Variants in FRMD4B observed in about 807,000 individuals in gnomAD.
FRMD4B encodes FERM domain containing 4B.
FRMD4B carries 74 observed loss-of-function variants against 141.5 expected under a neutral mutation model. The observed-to-expected ratio is 0.52, with a 90% CI of 0.43 to 0.63. FRMD4B has a LOEUF of 0.63. Ranked by LOEUF, FRMD4B falls within the 30% of genes least tolerant of loss-of-function variation. The pLI is 0.00. For missense variants in FRMD4B, 1,366 were observed against 1,253.4 expected (o/e 1.09, Z -1.36); for synonymous variants, 506 against 467.9 (o/e 1.08, Z -1.05).
intron 7 of FRMD4B, among the ~76,000 whole-genome samples, chr3:69,245,347 GTGTGTGTT>G (rs1318234390): frequency 4.0e-5 from 6 of 150,786 alleles, no homozygotes; most frequent in African/African-American, 1.5e-4. Flanking sequence ...GTGTGTGTGT[GTGTGTGTT>G]TTTAGACAGA....
At chr3:69,443,147 C>T (rs562606897) in intron 1 of FRMD4B, among the ~76,000 whole-genome samples, 2 of 152,174 alleles carry the variant, frequency 1.3e-5, no homozygotes, top group Non-Finnish European at 1.5e-5. Flanking sequence ...TTCAGTCCCA[C>T]CCCCTGACCC....
At chr3:69,221,980 C>T in intron 8 of FRMD4B, 57 bp from the exon 9 acceptor site, 1 of 883,036 alleles carries the variant, frequency 1.1e-6, no homozygotes, top group Non-Finnish European at 1.9e-6. Flanking sequence ...GGTACAGGCA[C>T]AGTTTCCACA....
chr3:69,388,566 AC>A (rs1704317534), upstream of FRMD4B, among the ~76,000 whole-genome samples: 1 of 152,038 alleles, frequency 6.6e-6, no homozygotes, highest in Non-Finnish European at 1.5e-5. Context: ...TCTAAAAGAG[AC>A]CCACCCAACT....
chr3:69,215,669 CAG>C (rs947855264), intron 11 of FRMD4B, among the ~76,000 whole-genome samples: 17 of 152,120 alleles, frequency 1.1e-4, no homozygotes, highest in African/African-American at 2.9e-4. Context: ...AATGGTGAAA[CAG>C]AGATAATAGC....
intron 22 of FRMD4B, among the ~76,000 whole-genome samples, chr3:69,173,891 C>G (rs1320131073): frequency 6.6e-6 from 1 of 152,204 alleles, no homozygotes; most frequent in Admixed American, 6.5e-5. Flanking sequence ...GTAATCCCAG[C>G]ACTTTGGGAG....
intron 1 of FRMD4B, among the ~76,000 whole-genome samples, chr3:69,470,165 A>T (rs1313576954): frequency 6.6e-6 from 1 of 152,242 alleles, no homozygotes; most frequent in East Asian, 1.9e-4. Flanking sequence ...GTGCAGCCAA[A>T]GAGGTTTCTT....
At chr3:69,454,593 G>A (rs1022768202) in intron 1 of FRMD4B, among the ~76,000 whole-genome samples, 6 of 152,214 alleles carry the variant, frequency 3.9e-5, no homozygotes, top group South Asian at 2.1e-4. Flanking sequence ...CAGCAGCTGC[G>A]GAGGGTGTGC....
At chr3:69,367,251 T>C (rs1266151969) in intron 1 of FRMD4B, among the ~76,000 whole-genome samples, 1 of 152,196 alleles carries the variant, frequency 6.6e-6, no homozygotes, top group Non-Finnish European at 1.5e-5. Context: ...ATTATAGATA[T>C]TCTTGCTATA....
chr3:69,430,385 G>C (rs955848934), intron 2 of FRMD4B, among the ~76,000 whole-genome samples: 2 of 152,130 alleles, frequency 1.3e-5, no homozygotes, highest in Non-Finnish European at 2.9e-5. Flanking sequence ...CTGAGAGGCT[G>C]TTAATAGTTT....
At chr3:69,279,998 TA>T (rs976551252) in intron 5 of FRMD4B, among the ~76,000 whole-genome samples, 2 of 151,774 alleles carry the variant, frequency 1.3e-5, no homozygotes, top group Non-Finnish European at 2.9e-5. Flanking sequence ...ATTGCTGATT[TA>T]AAAAAAAGGG....
In FRMD4B at chr3:69,440,812, A is replaced by C. The variant is rs897442016; in HGVS notation, c.-128-8051T>G. The stretch of plus-strand genomic sequence containing the variant: ...AACAGAGCAAGAGACTCTGTCAAAA[A>C]AAAAAATTCTTGAATACTTACATTT... On this transcript the variant is annotated intron_variant, in intron 1 of 5. Transcript: ENST00000459638. 1.8e-4 allele frequency among the ~76,000 whole-genome samples: 27 copies of C among 152,286 alleles called. 1 individual carries two copies. The South Asian group carries it at 3.3e-3, about 19-fold the overall frequency.
chr3:69,216,827 G>A (rs527471913), intron 10 of FRMD4B, among the ~76,000 whole-genome samples: 2 of 152,230 alleles, frequency 1.3e-5, no homozygotes, highest in South Asian at 2.1e-4. Flanking sequence ...CCTACTTGGA[G>A]TTTCTTCAAA....
chr3:69,249,929 C>A, intron 6 of FRMD4B, 114 bp downstream of exon 6: 1 of 731,708 alleles, frequency 1.4e-6, no homozygotes, highest in South Asian at 1.6e-5. Context: ...AAACAACTAA[C>A]TGGCTTAAAA....
chr3:69,227,328 T>C (rs1304407778), intron 7 of FRMD4B, among the ~76,000 whole-genome samples: 4 of 152,124 alleles, frequency 2.6e-5, no homozygotes, highest in African/African-American at 9.7e-5. Flanking sequence ...AATAGGGAAG[T>C]GGATTAGGAT....
At chr3:69,249,360 G>C in intron 6 of FRMD4B, 112 bp from the exon 7 acceptor site, 1 of 698,948 alleles carries the variant, frequency 1.4e-6, no homozygotes, top group Non-Finnish European at 2.5e-6. Flanking sequence ...GTTTTGAAGA[G>C]TGTTTCTCAG....
At chr3:69,307,269 G>A (rs573610794) in intron 3 of FRMD4B, among the ~76,000 whole-genome samples, 41 of 152,238 alleles carry the variant, frequency 2.7e-4, no homozygotes, top group Non-Finnish European at 5.0e-4. Context: ...TTCTCCCAGC[G>A]TAGTTTTGAG....
In FRMD4B at chr3:69,189,973, C is replaced by T. The variant is rs2092818848; in HGVS notation, c.1715-21G>A. ...GTCTTCTGTGAATAAAAATAACTGC[C>T]TTTAGTACAATTGTGCATTTATACA... On this transcript the variant is annotated intron_variant, in intron 17 of 22. Coordinates refer to ENST00000398540, the MANE Select transcript of FRMD4B (RefSeq NM_015123.3). 3 of 1,469,226 alleles carry T rather than the reference C, an allele frequency of 2.0e-6. No homozygotes were observed. The South Asian group carries it at 3.4e-5, about 17-fold the overall frequency. The allele number at this position is 1,469,226 out of a possible 1,614,324, so 91.0% of individuals were successfully genotyped here.
intron 1 of FRMD4B, among the ~76,000 whole-genome samples, chr3:69,362,383 T>C (rs1221323045): frequency 6.6e-6 from 1 of 152,208 alleles, no homozygotes; most frequent in African/African-American, 2.4e-5. Context: ...CCTCTCACAA[T>C]TGTTAATTGG....
chr3:69,331,337 G>A (rs1482545216), intron 1 of FRMD4B, among the ~76,000 whole-genome samples: 1 of 152,116 alleles, frequency 6.6e-6, no homozygotes, highest in Non-Finnish European at 1.5e-5. Context: ...TCAGCCCCTC[G>A]GCGTAGGGCG....
Sources: allele counts gnomAD v4.1 joint callset (sites outside exome capture counted in the v4.1 genomes callset), GRCh38; gene constraint gnomAD v4.1.1; transcripts MANE v1.5; gene names NCBI Gene and HGNC (gene_info 2026-07-23, HGNC 2026-07-21).